The following GABBR2 variants were observed in gnomAD, a reference collection of about 807,000 sequenced individuals.
GABBR2 encodes gamma-aminobutyric acid type B receptor subunit 2, also known as G-protein coupled receptor 51.
A neutral mutation model predicts 105.6 loss-of-function variants in GABBR2; 23 were observed. The observed-to-expected ratio is 0.22, with a 90% CI of 0.16 to 0.31. The LOEUF (loss-of-function observed/expected upper bound fraction) is 0.31. GABBR2 is among the 10% of genes least tolerant of loss of function. GABBR2 has a pLI of 1.00. For synonymous variants in GABBR2, 478 were observed against 499.7 expected, an observed-to-expected ratio of 0.96 and a Z score of 0.58; for missense variants, 734 against 1,245.5, an observed-to-expected ratio of 0.59 and a Z score of 6.18.
chr9:98,469,703 A>G (rs1826629310), intron 6 of GABBR2, among the ~76,000 whole-genome samples: 2 of 152,234 alleles, frequency 1.3e-5, no homozygotes, highest in African/African-American at 4.8e-5. Context: ...TACAATGTGG[A>G]TATATCTTTT....
At chr9:98,474,106 G>C (rs570887443) in intron 5 of GABBR2, among the ~76,000 whole-genome samples, 17 of 152,220 alleles carry the variant, frequency 1.1e-4, no homozygotes, top group African/African-American at 4.1e-4. Flanking sequence ...TTATTTGATT[G>C]TCACTCACAT....
chr9:98,353,812 G>T (rs1175721787), intron 13 of GABBR2, among the ~76,000 whole-genome samples: 11 of 152,068 alleles, frequency 7.2e-5, no homozygotes, highest in Non-Finnish European at 1.5e-4. Context: ...ATGGTGGGGG[G>T]GGGTGGCGGA....
chr9:98,505,296 C>T (rs1460306348), intron 3 of GABBR2, among the ~76,000 whole-genome samples: 1 of 152,086 alleles, frequency 6.6e-6, no homozygotes, highest in East Asian at 1.9e-4. Flanking sequence ...TCATCTGTAA[C>T]CAGATTTGAA....
chr9:98,422,550 T>C (rs1027425544), intron 7 of GABBR2, among the ~76,000 whole-genome samples: 2 of 149,430 alleles, frequency 1.3e-5, no homozygotes, highest in Non-Finnish European at 3.0e-5. Flanking sequence ...GTGATGGAGG[T>C]GACCTAGAGA....
intron 1 of GABBR2, among the ~76,000 whole-genome samples, chr9:98,688,817 C>T (rs933850223): frequency 1.3e-5 from 2 of 152,168 alleles, no homozygotes; most frequent in African/African-American, 2.4e-5. Flanking sequence ...CTGGGAGGGG[C>T]GTTCCAGGGA....
chr9:98,691,312 C>T (rs1830678768), intron 1 of GABBR2, among the ~76,000 whole-genome samples: 1 of 152,202 alleles, frequency 6.6e-6, no homozygotes, highest in African/African-American at 2.4e-5. Context: ...GTAAACTCAT[C>T]TCCCTGTTGC....
Position 98,708,690 on chromosome 9 carries a change from C to T in GABBR2, c.48G>A (p.Pro16=), listed in dbSNP as rs1023207573. 8.0e-5 allele frequency: 78 copies of T among 976,290 alleles called. No individual in the cohort carries two copies. In the African/African-American group the frequency reaches 1.2e-3, roughly 15 times the overall value. The allele number at this position is 976,290 out of a possible 1,614,324, so 60.5% of individuals were successfully genotyped here. Residue 16 remains proline, a synonymous_variant, in exon 1 of 19, where the codon CCG becomes CCA. Transcript: ENST00000259455. ...SSGQPGPPPP[P]PPPPARLLLL... ...GTAGCAGGCGCGCGGGCGGCGGTGGCGGCGGCGGCGGCGGCCCGGGCTGCC... is the reference window on the plus strand; with the variant it reads ...GTAGCAGGCGCGCGGGCGGCGGTGGTGGCGGCGGCGGCGGCCCGGGCTGCC...
chr9:98,429,297 G>T (rs1825757972), intron 7 of GABBR2, among the ~76,000 whole-genome samples: 1 of 151,978 alleles, frequency 6.6e-6, no homozygotes, highest in African/African-American at 2.4e-5. Flanking sequence ...GCACCACCAT[G>T]CCCAGCCAAT....
At chr9:98,619,220 G>A (rs1829634761) in intron 1 of GABBR2, among the ~76,000 whole-genome samples, 1 of 152,058 alleles carries the variant, frequency 6.6e-6, no homozygotes, top group South Asian at 2.1e-4. Flanking sequence ...AAAGAAACCT[G>A]TAAGAAGCAA....
chr9:98,598,206 A>G (rs905000853), intron 1 of GABBR2, among the ~76,000 whole-genome samples: 8 of 152,222 alleles, frequency 5.3e-5, no homozygotes, highest in Non-Finnish European at 1.0e-4. Flanking sequence ...CTTTCTTAGA[A>G]GAGGCCAGTG....
chr9:98,297,690 C>T (rs894268768), intron 17 of GABBR2, among the ~76,000 whole-genome samples: 4 of 151,514 alleles, frequency 2.6e-5, no homozygotes, highest in Admixed American at 6.6e-5. Context: ...TTGATGAATA[C>T]ATGCTAATGG....
intron 5 of GABBR2, among the ~76,000 whole-genome samples, chr9:98,477,603 A>G (rs1177303337): frequency 1.3e-5 from 2 of 152,160 alleles, no homozygotes; most frequent in African/African-American, 4.8e-5. Flanking sequence ...CTATTGCATG[A>G]GAGTGGGCCA....
At chr9:98,372,696 C>T (rs140272100) in intron 11 of GABBR2, among the ~76,000 whole-genome samples, 11 of 152,342 alleles carry the variant, frequency 7.2e-5, no homozygotes, top group African/African-American at 2.6e-4. Context: ...AGGAAGTTTC[C>T]AAGAAATGTT....
In GABBR2 at chr9:98,482,772, C is replaced by G. The variant is rs1159639889; in HGVS notation, c.733-1775G>C. Among the ~76,000 whole-genome samples the G allele has an allele frequency of 3.3e-5, 5 of 152,108 alleles. No homozygotes were observed. In the South Asian group the frequency reaches 1.0e-3, roughly 32 times the overall value. On this transcript the variant is annotated intron_variant, in intron 4 of 18. Transcript: ENST00000259455. Reference sequence around the variant, plus strand: ...GAAAGGGATAATCCTATCTACCTTGCCCAGTGGTTGTCAATTCATCATAAT... The same window carrying G: ...GAAAGGGATAATCCTATCTACCTTGGCCAGTGGTTGTCAATTCATCATAAT...
chr9:98,396,798 G>A (rs755006392), intron 8 of GABBR2, among the ~76,000 whole-genome samples: 5 of 152,116 alleles, frequency 3.3e-5, no homozygotes, highest in South Asian at 4.2e-4. Context: ...ACCGCACCCC[G>A]GCCACACAGC....
intron 13 of GABBR2, among the ~76,000 whole-genome samples, chr9:98,343,703 C>G (rs889202091): frequency 6.6e-6 from 1 of 151,854 alleles, no homozygotes; most frequent in Non-Finnish European, 1.5e-5. Flanking sequence ...ACCAAAAATA[C>G]AAAAATTAGC....
chr9:98,376,340 G>A (rs574969296), intron 11 of GABBR2, among the ~76,000 whole-genome samples: 23 of 152,212 alleles, frequency 1.5e-4, no homozygotes, highest in Non-Finnish European at 2.9e-4. Context: ...GGACTGCTGT[G>A]CTCCGGGTCT....
intron 1 of GABBR2, among the ~76,000 whole-genome samples, chr9:98,641,432 G>T (rs1001147279): frequency 6.6e-6 from 1 of 151,568 alleles, no homozygotes; most frequent in Admixed American, 6.6e-5. Flanking sequence ...GCCACCACAC[G>T]TCCAGCCAAA....
At chr9:98,339,671 T>C (rs1323341591) in intron 13 of GABBR2, among the ~76,000 whole-genome samples, 5 of 152,246 alleles carry the variant, frequency 3.3e-5, no homozygotes, top group African/African-American at 1.2e-4. Context: ...AAGATTTCTC[T>C]AAGGTGTGTT....
Sources: gnomAD v4.1 joint callset for allele counts (sites outside exome capture counted in the v4.1 genomes callset) on GRCh38, gnomAD v4.1.1 for gene constraint, MANE v1.5 for transcripts, NCBI Gene and HGNC (gene_info 2026-07-23, HGNC 2026-07-21) for gene names.